Variants in SLC35D4 observed in about 807,000 individuals in gnomAD.
SLC35D4 encodes UDP-N-acetylglucosamine transporter SLC35D4.
the SLC35D4 span, among the ~76,000 whole-genome samples, chr18:23,346,276 G>A: frequency 2.6e-4 from 39 of 152,104 alleles, no homozygotes; most frequent in Non-Finnish European, 4.4e-4. Flanking sequence ...TGGGACCATA[G>A]GCACATGCCA....
At chr18:23,304,561 A>AAG in the SLC35D4 span, among the ~76,000 whole-genome samples, 26 of 151,326 alleles carry the variant, frequency 1.7e-4, no homozygotes, top group Admixed American at 4.0e-4. Context: ...TATATATAGA[A>AAG]AGAGAGAGAG....
chr18:23,355,643 C>G, the SLC35D4 span, among the ~76,000 whole-genome samples: 2 of 149,780 alleles, frequency 1.3e-5, no homozygotes, highest in Non-Finnish European at 2.9e-5. Flanking sequence ...GACATACCCA[C>G]TAGCCACATA....
At chr18:23,287,317 T>C in the SLC35D4 span, among the ~76,000 whole-genome samples, 1 of 152,172 alleles carries the variant, frequency 6.6e-6, no homozygotes, top group Non-Finnish European at 1.5e-5. Context: ...CTTTCTTTAC[T>C]ATTCCTTTGC....
the SLC35D4 span, among the ~76,000 whole-genome samples, chr18:23,326,910 G>A: frequency 1.1e-3 from 161 of 151,866 alleles, no homozygotes; most frequent in East Asian, 0.019. Flanking sequence ...ACTCAAAACC[G>A]CACAACTGGA....
At chr18:23,352,679 A>T in the SLC35D4 span, among the ~76,000 whole-genome samples, 1 of 152,112 alleles carries the variant, frequency 6.6e-6, no homozygotes, top group South Asian at 2.1e-4. Flanking sequence ...AAGACTTCCA[A>T]AGGGAAACTC....
the SLC35D4 span, among the ~76,000 whole-genome samples, chr18:23,364,929 AAAAAG>A: frequency 0.059 from 277 of 4,688 alleles, 38 homozygotes; most frequent in African/African-American, 0.11. Context: ...AAAAAAAAAA[AAAAAG>A]GACTCCTTTC....
the SLC35D4 span, among the ~76,000 whole-genome samples, chr18:23,284,420 G>A: frequency 6.6e-6 from 1 of 152,078 alleles, no homozygotes; most frequent in Non-Finnish European, 1.5e-5. Context: ...TCAAGTCTTG[G>A]GACAAAGCTT....
At chr18:23,244,426 AACAAATGCAGCCCC>A in the SLC35D4 span, among the ~76,000 whole-genome samples, 8 of 152,250 alleles carry the variant, frequency 5.3e-5, no homozygotes, top group Non-Finnish European at 7.3e-5. Flanking sequence ...TAGAAATAGC[AACAAATGCAGCCCC>A]AGGCTGCGTA....
chr18:23,361,909 T>C, the SLC35D4 span, among the ~76,000 whole-genome samples: 260 of 152,324 alleles, frequency 1.7e-3, 1 homozygote, highest in African/African-American at 5.8e-3. Context: ...AAATTCACCC[T>C]TTTAAAGTGT....
the SLC35D4 span, among the ~76,000 whole-genome samples, chr18:23,304,494 G>A: frequency 1.9e-4 from 27 of 142,766 alleles, no homozygotes; most frequent in African/African-American, 6.8e-4. Context: ...ATATATAAAT[G>A]ACATTATATA....
chr18:23,255,875 C>T, the SLC35D4 span, among the ~76,000 whole-genome samples: 1 of 152,024 alleles, frequency 6.6e-6, no homozygotes, highest in Non-Finnish European at 1.5e-5. Context: ...ATTAATGAAT[C>T]TTTTGATGTA....
the SLC35D4 span, among the ~76,000 whole-genome samples, chr18:23,413,636 T>A: frequency 6.6e-6 from 1 of 151,984 alleles, no homozygotes; most frequent in East Asian, 1.9e-4. Context: ...TATTAAGAAA[T>A]AGAGTTGGCC....
chr18:23,376,983 A>T, the SLC35D4 span: 1 of 456,058 alleles, frequency 2.2e-6, no homozygotes, highest in Non-Finnish European at 4.4e-6. Flanking sequence ...ATTGGATGAA[A>T]GCCCAGAAAT....
the SLC35D4 span, among the ~76,000 whole-genome samples, chr18:23,310,914 A>C: frequency 6.6e-6 from 1 of 152,184 alleles, no homozygotes; most frequent in Non-Finnish European, 1.5e-5. Context: ...GATTACAAAA[A>C]AAGACCTGGG....
the SLC35D4 span, chr18:23,298,008 C>G: frequency 6.2e-7 from 1 of 1,613,328 alleles, no homozygotes; most frequent in Non-Finnish European, 8.5e-7. Flanking sequence ...CCGTCTTGTT[C>G]AGGAGCTCTT....
the SLC35D4 span, chr18:23,259,490 T>A: frequency 6.6e-6 from 1 of 152,248 alleles, no homozygotes; most frequent in South Asian, 2.1e-4. Flanking sequence ...AAGTTAGTGG[T>A]CCATTACTTT....
chr18:23,393,882 G>C, the SLC35D4 span, among the ~76,000 whole-genome samples: 2 of 152,200 alleles, frequency 1.3e-5, no homozygotes, highest in Non-Finnish European at 2.9e-5. Context: ...GCCTCCCAAA[G>C]TGCTGGGATT....
At chr18:23,394,941 C>T in the SLC35D4 span, among the ~76,000 whole-genome samples, 1 of 146,634 alleles carries the variant, frequency 6.8e-6, no homozygotes, top group Admixed American at 6.9e-5. Flanking sequence ...CGAGATCACG[C>T]CATTGCACTC....
the SLC35D4 span, chr18:23,257,314 T>C: frequency 1.7e-5 from 27 of 1,613,868 alleles, no homozygotes; most frequent in African/African-American, 3.6e-4. Context: ...CGCCCTCCAC[T>C]TGCCCGAGCA....
Sources: allele counts gnomAD v4.1 joint callset (sites outside exome capture counted in the v4.1 genomes callset), GRCh38; gene constraint gnomAD v4.1.1; transcripts MANE v1.5; gene names NCBI Gene and HGNC (gene_info 2026-07-23, HGNC 2026-07-21).